TRMO: variants seen among roughly 807,000 people sequenced by gnomAD.
TRMO encodes the protein tRNA methyltransferase O.
In TRMO, 30 loss-of-function variants were observed where a neutral mutation model predicts 37.2. The ratio of observed to expected loss-of-function variants is 0.81; its 90% confidence interval spans 0.60 to 1.09. The LOEUF is 1.09. TRMO is among the 50% of genes least tolerant of loss of function. The pLI is 0.00. For missense variants in TRMO, 552 were observed against 549.5 expected, an observed-to-expected ratio of 1.00 and a Z score of -0.05; for synonymous variants, 239 against 199.4, an observed-to-expected ratio of 1.20 and a Z score of -1.67.
intron 2 of TRMO, among the ~76,000 whole-genome samples, chr9:97,915,149 G>A (rs537459363): frequency 1.3e-5 from 2 of 152,270 alleles, no homozygotes; most frequent in South Asian, 4.1e-4. Flanking sequence ...CTGATGCTGG[G>A]GTGAGGAAGA....
chr9:97,916,316 G>T lies in TRMO; in HGVS notation c.99C>A (p.Val33=), dbSNP rs143707778. ...CCGAGAAACAAGATTCCAAGTAGCC[G>T]ACTGGCTCAGTTAAAAGATTCCCTA... ...LETGNLLTEP[V]GYLESCFSAK... is the part of the protein sequence containing the mutation. The change falls in exon 2 of 5, where the codon GTC becomes GTA. Residue 33 remains valine, a synonymous_variant. Coordinates refer to ENST00000375119, the MANE Select transcript of TRMO (RefSeq NM_016481.5). The T allele has an allele frequency of 1.9e-6, 3 of 1,612,348 alleles. No individual in the cohort carries two copies. In the African/African-American group the frequency reaches 4.0e-5, roughly 22 times the overall value.
In TRMO at chr9:97,910,381, A is replaced by AGTGCTATGGTGGG. The variant is rs1411969781; in HGVS notation, c.632_644dup (p.Lys216ProfsTer3). ...CTTCAGGACATTTAGGTTTCCTCTT[A>AGTGCTATGGTGGG]GTGCTATGGTGGGGTTGTGGCTCAT... On this transcript the variant is annotated stop_gained and frameshift_variant, in exon 4 of 5. Coordinates refer to ENST00000375119, the MANE Select transcript of TRMO (RefSeq NM_016481.5). LOFTEE classifies it high-confidence loss of function. 4 of 1,614,130 alleles carry AGTGCTATGGTGGG rather than the reference A, an allele frequency of 2.5e-6. No individual in the cohort carries two copies. Among genetic ancestry groups the AGTGCTATGGTGGG allele is most frequent in the Non-Finnish European group, 3.4e-6 (4 of 1,180,026 alleles).
At chr9:97,912,991 G>A in intron 3 of TRMO, 1 of 1,153,862 alleles carries the variant, frequency 8.7e-7, no homozygotes, top group Non-Finnish European at 1.2e-6. Flanking sequence ...AGGAAGGAAT[G>A]ATATACCACC....
intron 2 of TRMO, among the ~76,000 whole-genome samples, 170 bp downstream of exon 2, chr9:97,915,994 T>C (rs996607166): frequency 1.3e-5 from 2 of 152,054 alleles, no homozygotes; most frequent in Non-Finnish European, 2.9e-5. Flanking sequence ...TGCGCTGCTA[T>C]TGCACCACTG....
At chr9:97,898,793 T>A in the TRMO span, among the ~76,000 whole-genome samples, 1 of 149,100 alleles carries the variant, frequency 6.7e-6, no homozygotes, top group Non-Finnish European at 1.5e-5. Flanking sequence ...CTTGCTTCAA[T>A]AACCTCACAC....
At chr9:97,915,302 G>A (rs1826304899) in intron 2 of TRMO, among the ~76,000 whole-genome samples, 1 of 152,138 alleles carries the variant, frequency 6.6e-6, no homozygotes, top group South Asian at 2.1e-4. Context: ...TCTAGAGCAG[G>A]ATCTGCAAAC....
intron 3 of TRMO, 104 bp downstream of exon 3, chr9:97,913,297 A>G (rs2131530284): frequency 7.5e-6 from 10 of 1,329,302 alleles, no homozygotes; most frequent in African/African-American, 1.6e-5. Context: ...AGGAGTTAAC[A>G]TCATTGGTAC....
intron 1 of TRMO, 148 bp downstream of exon 1, chr9:97,922,270 C>G (rs532692799): frequency 4.0e-4 from 249 of 628,778 alleles, no homozygotes; most frequent in African/African-American, 4.0e-3. Flanking sequence ...ACGTGGTCTC[C>G]GCAGCACGTG....
chr9:97,911,162 C>T (rs1826108027), intron 3 of TRMO: 1 of 240,972 alleles, frequency 4.1e-6, no homozygotes, highest in South Asian at 3.8e-5. Context: ...CTTATATAAT[C>T]CTTCCCCTTG....
chr9:97,899,753 G>T (rs1327897322), downstream of TRMO, among the ~76,000 whole-genome samples: 2 of 152,060 alleles, frequency 1.3e-5, no homozygotes, highest in Non-Finnish European at 2.9e-5. Context: ...AAACTAGCTG[G>T]GCATGGTGGC....
chr9:97,913,372 A>T, intron 3 of TRMO, 29 bp downstream of exon 3: 1 of 1,613,376 alleles, frequency 6.2e-7, no homozygotes, highest in South Asian at 1.1e-5. Flanking sequence ...GGTGAGGAAA[A>T]AGGTAAAAGT....
Position 97,910,504 on chromosome 9 carries a change from T to G in TRMO, c.522A>C (p.Ala174=). 6.2e-7 allele frequency: 1 copy of G among 1,614,212 alleles called. No homozygotes were observed. The highest frequency in any genetic ancestry group is 1.3e-5 in the African/African-American group (1 of 75,042). Residue 174 remains alanine (A), a synonymous_variant, in exon 4 of 5, where the codon GCA becomes GCC. Transcript: ENST00000375119. The stretch of plus-strand genomic sequence containing the variant: ...GTTGGTTATTCTGTAAATTAAAGTC[T>G]GCTAAAGGCTCCATCACATTTTGCG... The part of the protein sequence containing the change: ...DSPQNVMEPL[A]DFNLQNNQHT...
intron 3 of TRMO, chr9:97,912,889 C>G (rs1826186892): frequency 8.5e-6 from 11 of 1,299,672 alleles, no homozygotes; most frequent in Non-Finnish European, 1.1e-5. Context: ...AATGTTTGTC[C>G]TTGTAGTGTG....
chr9:97,909,925 T>G lies in TRMO; in HGVS notation c.1066+35A>C, dbSNP rs146151071. ...CTTGGCTAAATCTCAAAGTAAAAGT[T>G]CATCTCTCATTCAGAATGAAGAAAC... is the stretch of plus-strand genomic sequence containing the variant. On this transcript the variant is annotated intron_variant, in intron 4 of 4. Transcript: ENST00000375119. 838 of 1,453,160 alleles carry G rather than the reference T, an allele frequency of 5.8e-4. No homozygotes were observed. The African/African-American group carries it at 0.011, about 19-fold the overall frequency. 90.0% of individuals were successfully genotyped at this position (1,453,160 alleles called of 1,614,324 possible).
At position 97,918,226 on chromosome 9, in the gene TRMO, CA is replaced by C. The variant is rs1026356395; in HGVS notation, c.77-1889del. Among the ~76,000 whole-genome samples the C allele has an allele frequency of 1.7e-3, 227 of 137,466 alleles. 1 individual carries two copies. The highest frequency in any genetic ancestry group is 1.6e-3 in the Admixed American group (22 of 13,632). 90.2% of individuals were successfully genotyped at this position (137,466 alleles called of 152,430 possible). A position where few individuals can be genotyped will look rare whatever the true frequency, so the allele number is the denominator to read the frequency against. On this transcript the variant is annotated intron_variant, in intron 1 of 4. Transcript: ENST00000375119. ...TGAAACCCCATCTCTACTAGAAGTA[CA>C]AAAAAAAAAAATAATTAGCCAGGCA... is the stretch of plus-strand genomic sequence containing the variant.
intron 1 of TRMO, among the ~76,000 whole-genome samples, chr9:97,921,826 T>A (rs1202321751): frequency 6.6e-6 from 1 of 152,218 alleles, no homozygotes; most frequent in Non-Finnish European, 1.5e-5. Flanking sequence ...CAAGTGTGTA[T>A]GCAAAGAAAC....
chr9:97,915,837 T>TA, intron 2 of TRMO: 1 of 191,586 alleles, frequency 5.2e-6, no homozygotes, highest in Non-Finnish European at 1.1e-5. Context: ...AAGATGAGAG[T>TA]TCCAGCCTGG....
At chr9:97,911,077 G>A (rs958660394) in intron 3 of TRMO, 25 of 357,628 alleles carry the variant, frequency 7.0e-5, no homozygotes, top group Non-Finnish European at 1.3e-4. Context: ...ATCTCTGTGG[G>A]ACCAATGAAG....
the TRMO span, among the ~76,000 whole-genome samples, chr9:97,897,035 T>C: frequency 6.6e-6 from 1 of 152,258 alleles, no homozygotes; most frequent in Non-Finnish European, 1.5e-5. Context: ...TTTATGCTTC[T>C]AGAAATTTTC....
Sources: allele counts gnomAD v4.1 joint callset (sites outside exome capture counted in the v4.1 genomes callset), GRCh38; gene constraint gnomAD v4.1.1; transcripts MANE v1.5; gene names NCBI Gene and HGNC (gene_info 2026-07-23, HGNC 2026-07-21).